DNAAF4: variants seen among roughly 807,000 people sequenced by gnomAD.
DNAAF4 encodes dynein axonemal assembly factor 4.
A neutral mutation model predicts 51.8 loss-of-function variants in DNAAF4; 43 were observed. That is an observed-to-expected ratio of 0.83 (90% CI 0.65 to 1.07). The LOEUF (loss-of-function observed/expected upper bound fraction) is 1.07. DNAAF4 is among the 50% of genes least tolerant of loss of function. DNAAF4 has a pLI of 0.00. For missense variants in DNAAF4, 581 were observed against 493.0 expected (o/e 1.18, Z -1.69); for synonymous variants, 194 against 165.6 (o/e 1.17, Z -1.32).
At chr15:55,495,687 G>GT (rs1247470821) in intron 3 of DNAAF4, among the ~76,000 whole-genome samples, 1 of 152,062 alleles carries the variant, frequency 6.6e-6, no homozygotes, top group African/African-American at 2.4e-5. Flanking sequence ...ATGAGCTATG[G>GT]TAACACCAAC....
At chr15:55,502,662 G>C (rs979791642) in intron 1 of DNAAF4, among the ~76,000 whole-genome samples, 1 of 152,144 alleles carries the variant, frequency 6.6e-6, no homozygotes, top group African/African-American at 2.4e-5. Context: ...AGTAGCTGTT[G>C]CTCTTGAATT....
chr15:55,429,772 G>A (rs1422194481), downstream of DNAAF4, among the ~76,000 whole-genome samples: 2 of 145,418 alleles, frequency 1.4e-5, no homozygotes, highest in African/African-American at 2.6e-5. Context: ...AGCCAAGATC[G>A]CGCCATTGCA....
chr15:55,489,914 C>T (rs964611722), intron 4 of DNAAF4, among the ~76,000 whole-genome samples: 37 of 149,946 alleles, frequency 2.5e-4, no homozygotes, highest in African/African-American at 8.3e-4. Flanking sequence ...CACTCTGTCG[C>T]CCAGGCTGGA....
At chr15:55,425,544 G>A (rs945307131), downstream of DNAAF4, among the ~76,000 whole-genome samples, 2 of 150,306 alleles carry the variant, frequency 1.3e-5, 1 homozygote, top group Non-Finnish European at 2.9e-5. Flanking sequence ...CCATGCTGAG[G>A]TCTCTTTTTC....
intron 3 of DNAAF4, among the ~76,000 whole-genome samples, chr15:55,491,731 TA>T (rs1185229970): frequency 7.1e-6 from 1 of 140,182 alleles, no homozygotes; most frequent in African/African-American, 2.7e-5. Flanking sequence ...TAGTATATAA[TA>T]TAATATATAA....
intron 5 of DNAAF4, among the ~76,000 whole-genome samples, chr15:55,454,624 C>T (rs1305704779): frequency 6.6e-6 from 1 of 152,028 alleles, no homozygotes; most frequent in East Asian, 1.9e-4. Flanking sequence ...GTAATTCGCC[C>T]AACTCAGCCT....
intron 5 of DNAAF4, among the ~76,000 whole-genome samples, chr15:55,452,474 A>G (rs752189352): frequency 2.0e-4 from 30 of 152,140 alleles, no homozygotes; most frequent in Non-Finnish European, 3.4e-4. Flanking sequence ...TATTACAGTG[A>G]CCACTAGTTA....
chr15:55,483,854 T>A (rs1217993896), intron 4 of DNAAF4, among the ~76,000 whole-genome samples: 2 of 77,304 alleles, frequency 2.6e-5, no homozygotes, highest in African/African-American at 3.6e-5. Context: ...TTTTTTTTTT[T>A]TTTTTTTTTT....
At chr15:55,431,224 C>CTAAAA (rs1190736064) in intron 9 of DNAAF4, among the ~76,000 whole-genome samples, 5 of 151,602 alleles carry the variant, frequency 3.3e-5, no homozygotes, top group Non-Finnish European at 5.9e-5. Flanking sequence ...CTAAATCTAT[C>CTAAAA]TAAAATAAAA....
intron 6 of DNAAF4, among the ~76,000 whole-genome samples, chr15:55,441,128 G>C (rs2057704571): frequency 6.6e-6 from 1 of 151,858 alleles, no homozygotes; most frequent in Non-Finnish European, 1.5e-5. Context: ...CTGGAGTGCA[G>C]TTGCATGATC....
chr15:55,488,164 A>G (rs1270982077), intron 4 of DNAAF4, among the ~76,000 whole-genome samples: 1 of 151,876 alleles, frequency 6.6e-6, no homozygotes, highest in African/African-American at 2.4e-5. Flanking sequence ...GAAGGCCCCA[A>G]AAACAGAGAG....
Position 55,430,608 on chromosome 15 carries a change from C to A in DNAAF4, c.*62G>T. ...TCTGTACAACTGGCCATAATATGTA[C>A]AAAGATGCCTCCAGTTGTTTTTAAA... is the stretch of plus-strand genomic sequence containing the variant. On this transcript the variant is annotated 3_prime_UTR_variant, in exon 10 of 10. Coordinates refer to ENST00000321149, the MANE Select transcript of DNAAF4 (RefSeq NM_130810.4). The A allele has an allele frequency of 6.4e-7, 1 of 1,566,858 alleles. No individual in the cohort carries two copies. The highest frequency in any genetic ancestry group is 2.3e-4 in the Middle Eastern group (1 of 4,334).
rs1361154906 is a variant in DNAAF4, at chr15:55,424,301, TGCATG to T, written c.1048-6173_1048-6169del. ...ATATAGCAAGAAGGTCTTCACCAGA[TGCATG>T]TAGTCCCTTAATCTTGACTGCCCAG... On this transcript the variant is annotated intron_variant, in intron 7 of 7. Transcript: ENST00000448430. Among the ~76,000 whole-genome samples, 11 of 152,334 alleles carry T rather than the reference TGCATG, an allele frequency of 7.2e-5. No homozygotes were observed. In the South Asian group the frequency reaches 2.3e-3, roughly 32 times the overall value.
downstream of DNAAF4, among the ~76,000 whole-genome samples, chr15:55,429,139 T>C (rs1053204129): frequency 5.3e-5 from 8 of 151,870 alleles, no homozygotes; most frequent in African/African-American, 4.8e-5. Flanking sequence ...GGAGAATTGC[T>C]TGAACCCAGG....
chr15:55,495,909 G>C (rs1193028598), intron 3 of DNAAF4, among the ~76,000 whole-genome samples: 1 of 152,098 alleles, frequency 6.6e-6, no homozygotes, highest in African/African-American at 2.4e-5. Flanking sequence ...AGCTTAATAA[G>C]ACTACAGAGA....
At chr15:55,445,680 C>T (rs978187508) in intron 6 of DNAAF4, among the ~76,000 whole-genome samples, 13 of 149,206 alleles carry the variant, frequency 8.7e-5, no homozygotes, top group African/African-American at 3.2e-4. Flanking sequence ...CAGAGGCGCT[C>T]CTCACCTCCC....
At chr15:55,432,318 T>A (rs2057509370) in intron 9 of DNAAF4, among the ~76,000 whole-genome samples, 179 bp downstream of exon 9, 2 of 152,226 alleles carry the variant, frequency 1.3e-5, no homozygotes, top group Non-Finnish European at 2.9e-5. Context: ...ACAATGAATT[T>A]TTTAAATATA....
At chr15:55,452,535 CTCT>C (rs2057952130) in intron 5 of DNAAF4, among the ~76,000 whole-genome samples, 1 of 152,052 alleles carries the variant, frequency 6.6e-6, no homozygotes, top group South Asian at 2.1e-4. Flanking sequence ...AATTTACAAA[CTCT>C]TCTATTTTCC....
intron 1 of DNAAF4, among the ~76,000 whole-genome samples, chr15:55,499,712 A>G (rs998140181): frequency 1.3e-5 from 2 of 152,222 alleles, no homozygotes; most frequent in African/African-American, 4.8e-5. Flanking sequence ...CTTTGCTACA[A>G]ATCTGGAATA....
Sources: allele counts gnomAD v4.1 joint callset (sites outside exome capture counted in the v4.1 genomes callset), GRCh38; gene constraint gnomAD v4.1.1; transcripts MANE v1.5; gene names NCBI Gene and HGNC (gene_info 2026-07-23, HGNC 2026-07-21).